The following STXBP5 variants were observed in gnomAD, a reference collection of about 807,000 sequenced individuals.
STXBP5 encodes syntaxin binding protein 5, also known as syntaxin-binding protein 5.
Under a neutral mutation model 152.4 loss-of-function variants are expected in STXBP5, and 50 were observed. The ratio of observed to expected loss-of-function variants is 0.33; its 90% CI spans 0.26 to 0.42. STXBP5 has a LOEUF of 0.42. Among genes scored for constraint, STXBP5 ranks in the 10% least tolerant of loss-of-function variants. The pLI is 1.00. For synonymous variants in STXBP5, 492 were observed against 494.7 expected, an observed-to-expected ratio of 0.99 and a Z score of 0.07; for missense variants, 1,167 against 1,388.6, an observed-to-expected ratio of 0.84 and a Z score of 2.54.
At chr6:147,257,959 A>G (rs934049588) in intron 4 of STXBP5, among the ~76,000 whole-genome samples, 9 of 152,146 alleles carry the variant, frequency 5.9e-5, no homozygotes, top group Admixed American at 2.6e-4. Context: ...TGGATGATCT[A>G]GCTTGCCTTA....
chr6:147,312,702 T>C (rs1269197046), intron 11 of STXBP5, among the ~76,000 whole-genome samples: 1 of 152,196 alleles, frequency 6.6e-6, no homozygotes, highest in Non-Finnish European at 1.5e-5. Flanking sequence ...ACCTGATGTT[T>C]AGGCAATTCT....
intron 2 of STXBP5, among the ~76,000 whole-genome samples, chr6:147,210,148 T>C (rs1776773808): frequency 1.3e-5 from 2 of 152,076 alleles, no homozygotes; most frequent in East Asian, 3.9e-4. Flanking sequence ...GGTGGCAGAA[T>C]GGGAATTGGA....
chr6:147,368,172 T>C (rs369931719), intron 25 of STXBP5, among the ~76,000 whole-genome samples: 5 of 152,132 alleles, frequency 3.3e-5, no homozygotes, highest in East Asian at 1.9e-4. Context: ...AGCATTAACC[T>C]GATAACAAAA....
intron 13 of STXBP5, 78 bp from the exon 14 acceptor site, chr6:147,314,518 C>G: frequency 1.4e-6 from 2 of 1,477,834 alleles, no homozygotes; most frequent in Non-Finnish European, 9.2e-7. Flanking sequence ...ATTTTGTTGA[C>G]TTTTTAATAG....
At chr6:147,341,698 G>A (rs1400033458) in intron 21 of STXBP5, among the ~76,000 whole-genome samples, 3 of 151,916 alleles carry the variant, frequency 2.0e-5, no homozygotes, top group Non-Finnish European at 4.4e-5. Flanking sequence ...TGTTGTGGGT[G>A]GGTGGTACAG....
At chr6:147,252,161 T>C (rs1779129811) in intron 4 of STXBP5, among the ~76,000 whole-genome samples, 1 of 152,054 alleles carries the variant, frequency 6.6e-6, no homozygotes, top group Admixed American at 6.5e-5. Context: ...AAAACCAAAA[T>C]GTCTCTTCTC....
intron 26 of STXBP5, among the ~76,000 whole-genome samples, chr6:147,380,166 A>T (rs935497881): frequency 8.5e-6 from 1 of 117,078 alleles, no homozygotes; most frequent in African/African-American, 3.3e-5. Flanking sequence ...AATTCAAAAT[A>T]GCCACGTACA....
intron 2 of STXBP5, among the ~76,000 whole-genome samples, chr6:147,233,950 A>G (rs1213984429): frequency 6.6e-6 from 1 of 150,902 alleles, no homozygotes; most frequent in Non-Finnish European, 1.5e-5. Context: ...AGCTAAACAT[A>G]CTCAACCTGT....
At chr6:147,317,253 G>A (rs1052094061) in intron 16 of STXBP5, among the ~76,000 whole-genome samples, 3 of 152,142 alleles carry the variant, frequency 2.0e-5, no homozygotes, top group Non-Finnish European at 4.4e-5. Flanking sequence ...TCTTCTACTG[G>A]TAGATAAATA....
At chr6:147,296,996 C>T (rs1395462617) in intron 9 of STXBP5, among the ~76,000 whole-genome samples, 1 of 152,018 alleles carries the variant, frequency 6.6e-6, no homozygotes, top group Non-Finnish European at 1.5e-5. Flanking sequence ...CAAATATTCA[C>T]ATAATATTTA....
chr6:147,328,141 C>A (rs556104527), intron 18 of STXBP5, among the ~76,000 whole-genome samples: 134 of 152,280 alleles, frequency 8.8e-4, no homozygotes, highest in African/African-American at 3.2e-3. Flanking sequence ...CACATGTATA[C>A]TTAGCTATAT....
intron 9 of STXBP5, among the ~76,000 whole-genome samples, chr6:147,291,812 A>G (rs960121815): frequency 1.2e-4 from 18 of 151,824 alleles, no homozygotes; most frequent in African/African-American, 4.1e-4. Flanking sequence ...AAACTCTTTT[A>G]TTTATGTTCT....
intron 22 of STXBP5, among the ~76,000 whole-genome samples, chr6:147,354,414 C>G (rs1784725383): frequency 6.6e-6 from 1 of 151,156 alleles, no homozygotes. Flanking sequence ...AAGAGTTAAT[C>G]ATAGAATATA....
At chr6:147,253,334 C>T (rs1376738087) in intron 4 of STXBP5, among the ~76,000 whole-genome samples, 1 of 152,134 alleles carries the variant, frequency 6.6e-6, no homozygotes, top group East Asian at 1.9e-4. Context: ...TTATGAGAAA[C>T]ACATAGCTAA....
At chr6:147,376,990 T>G (rs1785841387) in intron 26 of STXBP5, among the ~76,000 whole-genome samples, 1 of 152,184 alleles carries the variant, frequency 6.6e-6, no homozygotes, top group South Asian at 2.1e-4. Context: ...ATTATTTGAA[T>G]GTACCTACTA....
chr6:147,234,715 A>G (rs73788844), intron 2 of STXBP5, among the ~76,000 whole-genome samples: 2,723 of 152,138 alleles, frequency 0.018, 70 homozygotes, highest in African/African-American at 0.061. Context: ...ATTTGGTGAA[A>G]CAAAATCATG....
chr6:147,229,834 A>G (rs60969570), intron 2 of STXBP5, among the ~76,000 whole-genome samples: 2,553 of 151,578 alleles, frequency 0.017, 61 homozygotes, highest in African/African-American at 0.057. Flanking sequence ...TTTTCTTTCT[A>G]TTCTGAACAC....
chr6:147,259,963 TATC>T (rs1259057603), intron 4 of STXBP5, among the ~76,000 whole-genome samples: 1 of 152,150 alleles, frequency 6.6e-6, no homozygotes, highest in African/African-American at 2.4e-5. Context: ...AGGCCTGCCA[TATC>T]ATCAGAACAT....
chr6:147,302,939 A>G lies in STXBP5; in HGVS notation c.918-7145A>G, dbSNP rs144858024. Among the ~76,000 whole-genome samples, 680 of 152,298 alleles carry G rather than the reference A, an allele frequency of 4.5e-3. 3 individuals are homozygous for G. The highest frequency in any genetic ancestry group is 0.015 in the African/African-American group (636 of 41,554). On this transcript the variant is annotated intron_variant, in intron 9 of 27. Coordinates refer to ENST00000321680, the MANE Select transcript of STXBP5 (RefSeq NM_001127715.4). ...TGAGTATGCTTTCCTTTTTGATGTC[A>G]TAGATAATTCAGTAGTGAAAATCTT... is the stretch of plus-strand genomic sequence containing the variant.
Sources: gnomAD v4.1 joint callset for allele counts (sites outside exome capture counted in the v4.1 genomes callset) on GRCh38, gnomAD v4.1.1 for gene constraint, MANE v1.5 for transcripts, NCBI Gene and HGNC (gene_info 2026-07-23, HGNC 2026-07-21) for gene names.